The following ZC3H18 variants were observed in gnomAD, a reference collection of about 807,000 sequenced individuals.
ZC3H18 encodes the protein zinc finger CCCH domain-containing protein 18.
ZC3H18 carries 8 observed loss-of-function variants against 106.1 expected under a neutral mutation model. That is an observed-to-expected ratio of 0.08 (90% CI 0.04 to 0.14). The LOEUF is 0.14. Among genes scored for constraint, ZC3H18 ranks in the 10% least tolerant of loss-of-function variants. The probability of loss-of-function intolerance (pLI) is 1.00; values close to 1 mark genes in which losing one functional copy is unlikely to be tolerated. For synonymous variants in ZC3H18, 635 were observed against 522.1 expected, an observed-to-expected ratio of 1.22 and a Z score of -2.95; for missense variants, 1,318 against 1,278.4, an observed-to-expected ratio of 1.03 and a Z score of -0.47.
At chr16:88,612,829 C>A (rs1343040400) in intron 8 of ZC3H18, among the ~76,000 whole-genome samples, 1 of 151,346 alleles carries the variant, frequency 6.6e-6, no homozygotes, top group Non-Finnish European at 1.5e-5. Context: ...GGCAAAATCC[C>A]GTCTCTACAA....
intron 6 of ZC3H18, among the ~76,000 whole-genome samples, chr16:88,606,013 C>G (rs1487415606): frequency 6.6e-6 from 1 of 152,250 alleles, no homozygotes. Context: ...GCACAGGACA[C>G]TGTTGGTGTT....
chr16:88,626,455 T>C (rs1289582112), intron 13 of ZC3H18: 2 of 152,268 alleles, frequency 1.3e-5, no homozygotes, highest in Non-Finnish European at 2.9e-5. Flanking sequence ...ATTCCTTGCA[T>C]AGAACTCTTT....
chr16:88,628,814 C>T lies in ZC3H18; in HGVS notation c.2526C>T (p.Ser842=), dbSNP rs1906482213. 6.2e-7 allele frequency: 1 copy of T among 1,614,092 alleles called. No individual in the cohort carries two copies. Among genetic ancestry groups the T allele is most frequent in the Admixed American group, 1.7e-5 (1 of 60,024 alleles). The change falls in exon 16 of 18, where the codon AGC becomes AGT. Residue 842 remains serine (S), a synonymous_variant. Transcript: ENST00000301011. The stretch of plus-strand genomic sequence containing the variant: ...AACCATCAGACAAGGACAGGCAGAG[C>T]CCTCCTCCAGCCAAGCGGCCCAACA... The part of the protein sequence containing the change: ...RYEPSDKDRQ[S]PPPAKRPNTS...
Position 88,578,362 on chromosome 16 carries a change from A to G in ZC3H18, c.603+636A>G, listed in dbSNP as rs570977535. Among the ~76,000 whole-genome samples, 322 of 152,298 alleles carry G rather than the reference A, an allele frequency of 2.1e-3. 3 individuals are homozygous for G. The highest frequency in any genetic ancestry group is 0.012 in the South Asian group (56 of 4,832). ...GGTTGAGGGGAAGGTAGTACTATCT[A>G]TGATCCTAGGTATGGGTAGGTGGGG... On this transcript the variant is annotated intron_variant, in intron 2 of 17. Transcript: ENST00000301011.
At chr16:88,587,397 C>A (rs1915499195) in intron 3 of ZC3H18, 4 of 659,044 alleles carry the variant, frequency 6.1e-6, no homozygotes, top group Non-Finnish European at 1.0e-5. Context: ...TGGCATATTT[C>A]TTGTAATTCA....
chr16:88,623,867 T>G (rs1906123894), intron 10 of ZC3H18, 91 bp from the exon 11 acceptor site: 3 of 1,493,364 alleles, frequency 2.0e-6, no homozygotes, highest in South Asian at 2.8e-5. Flanking sequence ...ATTCGTGGCC[T>G]TCTCCATGGG....
intron 8 of ZC3H18, among the ~76,000 whole-genome samples, chr16:88,617,873 A>G (rs1567595540): frequency 6.6e-6 from 1 of 152,184 alleles, no homozygotes; most frequent in African/African-American, 2.4e-5. Context: ...GAGCCCTCTC[A>G]TCTGCCAGTT....
At chr16:88,596,043 C>T (rs1386497079) in intron 3 of ZC3H18, among the ~76,000 whole-genome samples, 4 of 152,166 alleles carry the variant, frequency 2.6e-5, no homozygotes, top group African/African-American at 9.7e-5. Flanking sequence ...CCATCTTCCC[C>T]TTTACTCTGG....
At chr16:88,603,997 T>G (rs894720080) in intron 6 of ZC3H18, among the ~76,000 whole-genome samples, 1 of 152,126 alleles carries the variant, frequency 6.6e-6, no homozygotes, top group African/African-American at 2.4e-5. Flanking sequence ...TTCGCAGCTT[T>G]AAATATTCCG....
In ZC3H18 at chr16:88,628,048, G is replaced by T. The variant is rs1057171389; in HGVS notation, c.2398G>T (p.Ala800Ser). The change falls in exon 15 of 18, where the codon GCA becomes TCA. Residue 800 changes from alanine to serine, a missense_variant. Physicochemically the swap from Ala to Ser is moderately conservative, Grantham distance 99. Transcript: ENST00000301011. ...CCAGCAGCCCTCGACACCCCAGCAG[G>T]CACCCCCCGGGCAGCCCCAGCAGGG... ...SSQQPSTPQQ[A>S]PPGQPQQGTF... is the part of the protein sequence containing the mutation. 3.7e-6 allele frequency: 6 copies of T among 1,613,978 alleles called. No individual in the cohort carries two copies. The highest frequency in any genetic ancestry group is 4.2e-6 in the Non-Finnish European group (5 of 1,180,028).
At chr16:88,609,448 C>T (rs898982023) in intron 7 of ZC3H18, among the ~76,000 whole-genome samples, 9 of 152,062 alleles carry the variant, frequency 5.9e-5, no homozygotes, top group African/African-American at 1.9e-4. Flanking sequence ...CACGCATGCA[C>T]CACCATGCCC....
chr16:88,583,811 C>T (rs542875051), intron 2 of ZC3H18, among the ~76,000 whole-genome samples: 6 of 152,124 alleles, frequency 3.9e-5, no homozygotes, highest in Non-Finnish European at 7.4e-5. Flanking sequence ...GGGCACCATC[C>T]GTTTTTAGGC....
rs540415556 is a variant in ZC3H18, at chr16:88,607,361, G to A, written c.1089-1573G>A. 9.8e-5 allele frequency among the ~76,000 whole-genome samples: 15 copies of A among 152,340 alleles called. No individual in the cohort carries two copies. The South Asian group carries it at 2.9e-3, about 29-fold the overall frequency. On this transcript the variant is annotated intron_variant, in intron 6 of 17. Coordinates refer to ENST00000301011, the MANE Select transcript of ZC3H18 (RefSeq NM_144604.4). ...CAGGGTTTTCTTGGCTGTTCTTGGG[G>A]TGCGATTTTTCATGTGAACTTGGGT...
At chr16:88,580,910 ACT>A (rs1432903391) in intron 2 of ZC3H18, among the ~76,000 whole-genome samples, 1 of 151,766 alleles carries the variant, frequency 6.6e-6, no homozygotes, top group East Asian at 1.9e-4. Context: ...TGGAAGAATT[ACT>A]CTCTTTGGCC....
intron 8 of ZC3H18, among the ~76,000 whole-genome samples, chr16:88,617,289 C>A (rs1258600181): frequency 6.6e-6 from 1 of 152,156 alleles, no homozygotes; most frequent in South Asian, 2.1e-4. Context: ...CCAGCTCCCC[C>A]CTGGACCTGC....
chr16:88,596,455 GTT>G (rs1299716214), intron 3 of ZC3H18, among the ~76,000 whole-genome samples: 1 of 152,002 alleles, frequency 6.6e-6, no homozygotes, highest in East Asian at 1.9e-4. Context: ...GCCTGACCAA[GTT>G]GGTGAAGTCC....
chr16:88,611,229 AACGC>A (rs754663533), intron 7 of ZC3H18, 35 bp from the exon 8 acceptor site: 1 of 734,550 alleles, frequency 1.4e-6, no homozygotes, highest in Non-Finnish European at 2.5e-6. Flanking sequence ...TCACCCAAAT[AACGC>A]ACGGTGTCCC....
At chr16:88,594,565 C>G (rs972204235) in intron 3 of ZC3H18, among the ~76,000 whole-genome samples, 1 of 152,144 alleles carries the variant, frequency 6.6e-6, no homozygotes, top group African/African-American at 2.4e-5. Context: ...TGCTACTGAG[C>G]ATGCAGGTTC....
At chr16:88,584,759 G>C (rs1915338012) in intron 2 of ZC3H18, among the ~76,000 whole-genome samples, 3 of 152,138 alleles carry the variant, frequency 2.0e-5, no homozygotes, top group Admixed American at 2.0e-4. Context: ...TCTTAAGGTG[G>C]TTACATTGTT....
Sources: allele counts gnomAD v4.1 joint callset (sites outside exome capture counted in the v4.1 genomes callset), GRCh38; gene constraint gnomAD v4.1.1; transcripts MANE v1.5; gene names NCBI Gene and HGNC (gene_info 2026-07-23, HGNC 2026-07-21).